The following PPP2R3A variants were observed in gnomAD, a reference collection of about 807,000 sequenced individuals.
PPP2R3A encodes the protein protein phosphatase 2 regulatory subunit B''alpha, also known as serine/threonine-protein phosphatase 2A regulatory subunit B'' subunit alpha.
PPP2R3A carries 80 observed loss-of-function variants against 106.9 expected under a neutral mutation model. The observed-to-expected ratio is 0.75, with a 90% CI of 0.62 to 0.90. The LOEUF is 0.90. Among genes scored for constraint, PPP2R3A ranks in the 40% least tolerant of loss-of-function variants. PPP2R3A has a pLI of 0.00. For missense variants in PPP2R3A, 1,386 were observed against 1,350.4 expected, an observed-to-expected ratio of 1.03 and a Z score of -0.41; for synonymous variants, 483 against 468.3, an observed-to-expected ratio of 1.03 and a Z score of -0.41.
intron 1 of PPP2R3A, among the ~76,000 whole-genome samples, chr3:135,979,166 G>T (rs1442430001): frequency 6.6e-6 from 1 of 151,662 alleles, no homozygotes. Flanking sequence ...ATCACCTGAG[G>T]TTAGGAGTTC....
Position 136,001,354 on chromosome 3 carries a change from C to T in PPP2R3A, c.-145C>T, listed in dbSNP as rs1933614339. 2 of 697,906 alleles carry T rather than the reference C, an allele frequency of 2.9e-6. No homozygotes were observed. Among genetic ancestry groups the T allele is most frequent in the South Asian group, 2.0e-5 (1 of 49,792 alleles). The allele number at this position is 697,906 out of a possible 1,614,324, so 43.2% of individuals were successfully genotyped here. A position where few individuals can be genotyped will look rare whatever the true frequency, so the allele number is the denominator to read the frequency against. Reference sequence around the variant, plus strand: ...ACCAAACCTCAAATATAAATGGTTTCCCTTCATGGGAAAAGCCATTATATT... The same window carrying T: ...ACCAAACCTCAAATATAAATGGTTTTCCTTCATGGGAAAAGCCATTATATT... On this transcript the variant is annotated 5_prime_UTR_variant, in exon 2 of 14. Transcript: ENST00000264977.
Position 136,145,163 on chromosome 3 carries a change from A to G in PPP2R3A, c.3450A>G (p.Glu1150=), listed in dbSNP as rs1039148108. ...GAAAGCTTCAATCAGTGGATGAAGA[A>G]TAGCTGCCGGTGTCTACAATGAAAC... ...KCGKLQSVDE[E] The change falls in exon 14 of 14, where the codon GAA becomes GAG. Residue 1150 remains glutamate (E), a synonymous_variant. Transcript: ENST00000264977. 8 of 1,608,734 alleles carry G rather than the reference A, an allele frequency of 5.0e-6. No homozygotes were observed. Among genetic ancestry groups the G allele is most frequent in the Non-Finnish European group, 5.9e-6 (7 of 1,178,434 alleles).
At chr3:136,044,570 CAAAAAAA>C (rs1247139572) in intron 4 of PPP2R3A, among the ~76,000 whole-genome samples, 42 of 76,078 alleles carry the variant, frequency 5.5e-4, no homozygotes, top group South Asian at 4.8e-3. Flanking sequence ...GACCCTGTCT[CAAAAAAA>C]AAAAAAAAAA....
At chr3:136,141,944 T>C (rs550710159) in intron 13 of PPP2R3A, among the ~76,000 whole-genome samples, 2 of 152,218 alleles carry the variant, frequency 1.3e-5, no homozygotes, top group South Asian at 4.1e-4. Context: ...GACAGTGCCA[T>C]TGACTAAAAT....
chr3:136,029,547 G>A (rs553942877), intron 3 of PPP2R3A, among the ~76,000 whole-genome samples: 5 of 152,250 alleles, frequency 3.3e-5, no homozygotes, highest in East Asian at 1.9e-4. Context: ...GTGGGGAGCC[G>A]GAGGAACGAC....
At chr3:136,059,886 A>G (rs1191040829) in intron 5 of PPP2R3A, among the ~76,000 whole-genome samples, 1 of 152,214 alleles carries the variant, frequency 6.6e-6, no homozygotes, top group Non-Finnish European at 1.5e-5. Context: ...AAAACAGAAA[A>G]CCAAATACCA....
intron 10 of PPP2R3A, among the ~76,000 whole-genome samples, chr3:136,091,390 G>A (rs1040071066): frequency 2.0e-5 from 3 of 152,176 alleles, no homozygotes; most frequent in Non-Finnish European, 4.4e-5. Context: ...CAAGGCAGGA[G>A]GGATTGCTTG....
intron 3 of PPP2R3A, among the ~76,000 whole-genome samples, chr3:136,030,764 A>G (rs1223636329): frequency 1.0e-5 from 1 of 96,410 alleles, no homozygotes; most frequent in Non-Finnish European, 2.1e-5. Context: ...TCCATCACAT[A>G]TATATATATA....
intron 5 of PPP2R3A, among the ~76,000 whole-genome samples, chr3:136,061,569 C>T (rs1050014588): frequency 4.0e-5 from 6 of 151,486 alleles, no homozygotes; most frequent in Non-Finnish European, 8.8e-5. Flanking sequence ...CAGAGGTTGC[C>T]GTGAGCTGAG....
intron 12 of PPP2R3A, among the ~76,000 whole-genome samples, chr3:136,105,332 A>G (rs1937488584): frequency 6.6e-6 from 1 of 152,244 alleles, no homozygotes; most frequent in Non-Finnish European, 1.5e-5. Context: ...TTACAAGGCT[A>G]AAGAGTAGAC....
chr3:136,099,186 A>G (rs1937291807), intron 10 of PPP2R3A, among the ~76,000 whole-genome samples: 1 of 152,142 alleles, frequency 6.6e-6, no homozygotes, highest in African/African-American at 2.4e-5. Context: ...GGTCATCCCC[A>G]AGGAAAAAAA....
chr3:136,011,660 A>G (rs1022444454), intron 2 of PPP2R3A, among the ~76,000 whole-genome samples: 1 of 152,162 alleles, frequency 6.6e-6, no homozygotes, highest in Non-Finnish European at 1.5e-5. Context: ...CTATTATACC[A>G]TATCTTGCAG....
chr3:136,088,916 T>G (rs535252175), intron 9 of PPP2R3A, among the ~76,000 whole-genome samples: 2 of 152,004 alleles, frequency 1.3e-5, no homozygotes, highest in East Asian at 3.9e-4. Flanking sequence ...TCATGTCCTT[T>G]GCCCATTTTT....
intron 8 of PPP2R3A, chr3:136,087,633 G>C (rs770442695): frequency 6.4e-5 from 22 of 342,284 alleles, no homozygotes; most frequent in South Asian, 1.4e-4. Flanking sequence ...TGTCCTAGCT[G>C]TCAGGATGTT....
In PPP2R3A at chr3:135,988,824, T is replaced by C. The variant is rs546005864; in HGVS notation, c.-440-12235T>C. ...GAATTGGACATTAGATCTAAAGGAT[T>C]GATTAGATTAATTAAATATTTTTGG... On this transcript the variant is annotated intron_variant, in intron 1 of 13. Coordinates refer to ENST00000264977, the MANE Select transcript of PPP2R3A (RefSeq NM_002718.5). 2.0e-5 allele frequency among the ~76,000 whole-genome samples: 3 copies of C among 152,262 alleles called. No individual in the cohort carries two copies. The South Asian group carries it at 6.2e-4, about 32-fold the overall frequency.
chr3:136,078,533 T>TA, intron 7 of PPP2R3A, 80 bp downstream of exon 7: 8 of 782,476 alleles, frequency 1.0e-5, no homozygotes, highest in Non-Finnish European at 4.3e-6. Context: ...TTTGAGCGCT[T>TA]ACTCTATTCA....
chr3:136,030,778 A>ATATATATATATGTATGTATG (rs1206335696), intron 3 of PPP2R3A, among the ~76,000 whole-genome samples: 4 of 111,302 alleles, frequency 3.6e-5, no homozygotes, highest in South Asian at 3.0e-4. Context: ...ATATATATAT[A>ATATATATATATGTATGTATG]TATGTATGTA....
intron 13 of PPP2R3A, among the ~76,000 whole-genome samples, chr3:136,108,888 T>C (rs1036423451): frequency 3.9e-5 from 6 of 152,156 alleles, no homozygotes; most frequent in Non-Finnish European, 8.8e-5. Flanking sequence ...AGCATAAAGA[T>C]GCTGATAGAT....
intron 3 of PPP2R3A, among the ~76,000 whole-genome samples, chr3:136,031,407 C>G (rs755669770): frequency 2.6e-5 from 4 of 152,066 alleles, no homozygotes; most frequent in Non-Finnish European, 5.9e-5. Context: ...GATATTAGTC[C>G]TTTGTCAGAT....
Sources: gnomAD v4.1 joint callset for allele counts (sites outside exome capture counted in the v4.1 genomes callset) on GRCh38, gnomAD v4.1.1 for gene constraint, MANE v1.5 for transcripts, NCBI Gene and HGNC (gene_info 2026-07-23, HGNC 2026-07-21) for gene names.